TENM2: variants seen among roughly 807,000 people sequenced by gnomAD.
TENM2 encodes the protein teneurin transmembrane protein 2, also known as teneurin-2.
A neutral mutation model predicts 245.2 loss-of-function variants in TENM2; 52 were observed. The ratio of observed to expected loss-of-function variants is 0.21; its 90% CI spans 0.17 to 0.27. The LOEUF is 0.27. TENM2 is among the 10% of genes least tolerant of loss of function. TENM2 has a pLI of 1.00. For missense variants in TENM2, 3,046 were observed against 3,666.8 expected, an observed-to-expected ratio of 0.83 and a Z score of 4.37; for synonymous variants, 1,363 against 1,438.9, an observed-to-expected ratio of 0.95 and a Z score of 1.19.
the TENM2 span, among the ~76,000 whole-genome samples, chr5:167,116,987 A>G: frequency 1.5e-4 from 23 of 152,340 alleles, no homozygotes; most frequent in South Asian, 2.1e-3. Flanking sequence ...AATGCAGTTC[A>G]TGGTACTTGA....
At chr5:167,117,975 G>A in the TENM2 span, among the ~76,000 whole-genome samples, 1 of 152,138 alleles carries the variant, frequency 6.6e-6, no homozygotes, top group Admixed American at 6.5e-5. Context: ...ATGGGCAAAG[G>A]AAACACCGCA....
the TENM2 span, among the ~76,000 whole-genome samples, chr5:167,186,520 G>A: frequency 1.3e-5 from 2 of 152,138 alleles, no homozygotes; most frequent in Non-Finnish European, 2.9e-5. Flanking sequence ...AAAATGGGTC[G>A]GAATTAAAGC....
chr5:168,103,673 G>GA (rs995543960), intron 9 of TENM2, among the ~76,000 whole-genome samples: 6 of 152,132 alleles, frequency 3.9e-5, no homozygotes, highest in African/African-American at 1.4e-4. Flanking sequence ...ATTTTAATCA[G>GA]AAAAAAAGTA....
In TENM2 at chr5:168,236,976, A is replaced by T. The variant is rs1267016307; in HGVS notation, c.5521-7444A>T. Among the ~76,000 whole-genome samples the T allele has an allele frequency of 3.5e-3, 12 of 3,422 alleles. 2 individuals carry two copies. Among genetic ancestry groups the T allele is most frequent in the Admixed American group, 5.4e-3 (1 of 186 alleles). 2.2% of individuals were successfully genotyped at this position (3,422 alleles called of 152,430 possible). ...TATATATATATATATATATATATAT[A>T]TATATATATATATATATATATATAT... is the stretch of plus-strand genomic sequence containing the variant. On this transcript the variant is annotated intron_variant, in intron 25 of 28. Coordinates refer to ENST00000518659, the Ensembl canonical transcript of TENM2.
At chr5:167,834,410 A>G (rs1279121774) in intron 2 of TENM2, among the ~76,000 whole-genome samples, 2 of 152,230 alleles carry the variant, frequency 1.3e-5, no homozygotes, top group African/African-American at 2.4e-5. Flanking sequence ...CCTGGTGACT[A>G]TTTCAAAGCA....
chr5:168,215,624 G>A (rs796989667), intron 21 of TENM2, among the ~76,000 whole-genome samples: 3 of 152,316 alleles, frequency 2.0e-5, no homozygotes, highest in Admixed American at 1.3e-4. Flanking sequence ...AGCCGAGATC[G>A]CGCCACTGCA....
intron 2 of TENM2, among the ~76,000 whole-genome samples, chr5:167,383,595 C>T (rs941014580): frequency 2.6e-5 from 4 of 152,092 alleles, no homozygotes; most frequent in African/African-American, 9.7e-5. Context: ...TCCCTCCCCA[C>T]CTGCATCCAG....
chr5:167,959,932 G>A (rs1392595977), intron 4 of TENM2, among the ~76,000 whole-genome samples: 1 of 152,276 alleles, frequency 6.6e-6, no homozygotes, highest in African/African-American at 2.4e-5. Flanking sequence ...CTTTCTGTTT[G>A]TTAGTTTCCA....
intron 2 of TENM2, among the ~76,000 whole-genome samples, chr5:167,494,971 T>C (rs183380407): frequency 1.3e-5 from 2 of 152,244 alleles, no homozygotes; most frequent in East Asian, 3.9e-4. Context: ...GATGGCATTT[T>C]CAATTCACAA....
intron 9 of TENM2, among the ~76,000 whole-genome samples, chr5:168,112,533 C>A (rs919791960): frequency 3.6e-5 from 5 of 139,034 alleles, no homozygotes; most frequent in Non-Finnish European, 6.0e-5. Flanking sequence ...CATGTCCCTG[C>A]AAAGGACATG....
At chr5:167,336,014 C>G (rs1757731046) in intron 1 of TENM2, among the ~76,000 whole-genome samples, 1 of 152,074 alleles carries the variant, frequency 6.6e-6, no homozygotes, top group East Asian at 1.9e-4. Context: ...TATCTCAGAC[C>G]ACACAATAGT....
intron 1 of TENM2, among the ~76,000 whole-genome samples, chr5:167,356,855 A>T (rs964701890): frequency 6.6e-6 from 1 of 152,232 alleles, no homozygotes; most frequent in African/African-American, 2.4e-5. Context: ...AAGACATTTA[A>T]AATTATATTT....
chr5:167,080,969 A>G, the TENM2 span, among the ~76,000 whole-genome samples: 2 of 151,802 alleles, frequency 1.3e-5, no homozygotes, highest in Non-Finnish European at 2.9e-5. Flanking sequence ...TTCCTATGCT[A>G]TTTTTTTAGT....
chr5:167,078,006 T>TATAAATC, the TENM2 span, among the ~76,000 whole-genome samples: 19 of 152,124 alleles, frequency 1.2e-4, no homozygotes. Flanking sequence ...AAAAATAAAT[T>TATAAATC]ATAAATCTGT....
chr5:168,012,239 A>T (rs905129640), intron 5 of TENM2, among the ~76,000 whole-genome samples: 2 of 152,222 alleles, frequency 1.3e-5, no homozygotes, highest in South Asian at 2.1e-4. Flanking sequence ...GAGCTGAAAG[A>T]TGACACATTC....
intron 11 of TENM2, 25 bp from the exon 14 acceptor site, chr5:168,126,729 G>A: frequency 6.3e-7 from 1 of 1,582,742 alleles, no homozygotes. Context: ...GTGGTGTTGA[G>A]CTGTAATCAT....
intron 2 of TENM2, among the ~76,000 whole-genome samples, chr5:167,650,608 G>A (rs1754394869): frequency 6.6e-6 from 1 of 152,114 alleles, no homozygotes; most frequent in South Asian, 2.1e-4. Flanking sequence ...ATAACTACAA[G>A]TAACAACAAC....
At chr5:167,151,104 G>A in the TENM2 span, among the ~76,000 whole-genome samples, 207 of 152,238 alleles carry the variant, frequency 1.4e-3, 2 homozygotes, top group African/African-American at 4.7e-3. Flanking sequence ...CTCTCCTCCA[G>A]TCGAGATTAT....
the TENM2 span, among the ~76,000 whole-genome samples, chr5:167,004,683 G>A: frequency 1.1e-4 from 16 of 152,262 alleles, no homozygotes; most frequent in African/African-American, 3.6e-4. Flanking sequence ...GGTTGTTAGT[G>A]GTGAAATAAA....
Sources: gnomAD v4.1 joint callset for allele counts (sites outside exome capture counted in the v4.1 genomes callset) on GRCh38, gnomAD v4.1.1 for gene constraint, MANE v1.5 for transcripts, NCBI Gene and HGNC (gene_info 2026-07-23, HGNC 2026-07-21) for gene names.